Variants in ATR observed in about 807,000 individuals in gnomAD.
ATR encodes the protein ATR checkpoint kinase.
In ATR, 142 loss-of-function variants were observed where a neutral mutation model predicts 305.3. The observed-to-expected ratio is 0.47, with a 90% CI of 0.41 to 0.53. ATR has a LOEUF of 0.53. Among genes scored for constraint, ATR ranks in the 20% least tolerant of loss-of-function variants. The pLI is 0.00. For synonymous variants in ATR, 1,050 were observed against 1,068.1 expected, an observed-to-expected ratio of 0.98 and a Z score of 0.33; for missense variants, 2,135 against 3,133.1, an observed-to-expected ratio of 0.68 and a Z score of 7.60.
intron 31 of ATR, chr3:142,499,181 TG>T (rs2031813184): frequency 2.6e-6 from 1 of 381,758 alleles, no homozygotes; most frequent in Non-Finnish European, 5.0e-6. Context: ...ATGCCCAGCC[TG>T]GTTTCATTCT....
intron 27 of ATR, among the ~76,000 whole-genome samples, 155 bp downstream of exon 27, chr3:142,512,105 G>A (rs1185908144): frequency 6.6e-6 from 1 of 151,614 alleles, no homozygotes; most frequent in Non-Finnish European, 1.5e-5. Flanking sequence ...GCAACAAGAG[G>A]GAAACTCCAT....
In ATR at chr3:142,515,453, T is replaced by C. The variant is rs757878507; in HGVS notation, c.4445A>G (p.Lys1482Arg). The C allele has an allele frequency of 6.2e-7, 1 of 1,613,654 alleles. No individual in the cohort carries two copies. The highest frequency in any genetic ancestry group is 1.1e-5 in the South Asian group (1 of 91,072). The change falls in exon 25 of 47, where the codon AAA becomes AGA. Residue 1482 changes from lysine (K) to arginine (R), a missense_variant. This residue lies in a region of ATR where 202 missense variants were observed against 252.9 expected (regional missense o/e 0.80). Coordinates refer to ENST00000350721, the MANE Select transcript of ATR (RefSeq NM_001184.4). ...SGVKKPIYLS[K>R]LGSNFAEWSA... ...CCATTCTGCAAAGTTACTACCCAAT[T>C]TACTTAAGTAAATTGGCTTCTTTAC...
chr3:142,519,396 G>T (rs541189856), intron 24 of ATR, among the ~76,000 whole-genome samples: 1 of 151,902 alleles, frequency 6.6e-6, no homozygotes, highest in South Asian at 2.1e-4. Flanking sequence ...CTGCCTCCTG[G>T]GTTCAAGTGA....
intron 23 of ATR, 59 bp from the exon 24 acceptor site, chr3:142,519,843 C>T (rs573370591): frequency 1.3e-5 from 16 of 1,199,744 alleles, no homozygotes; most frequent in Middle Eastern, 1.9e-4. Context: ...GCTTTATATT[C>T]GTCAATGTTC....
At position 142,513,632 on chromosome 3, in the gene ATR, G is replaced by A. The variant is rs374342162; in HGVS notation, c.4510C>T (p.His1504Tyr). 24 of 1,613,492 alleles carry A rather than the reference G, an allele frequency of 1.5e-5. No individual in the cohort carries two copies. Among genetic ancestry groups the A allele is most frequent in the Non-Finnish European group, 1.9e-5 (23 of 1,179,702 alleles). Residue 1504 changes from histidine to tyrosine, a missense_variant, in exon 26 of 47, where the codon CAT becomes TAT. By Grantham distance (83) the His-to-Tyr change is moderately conservative (BLOSUM62 2). Around this residue, in one of 9 missense-constraint regions of ATR, gnomAD observed 202 missense variants for 252.9 expected, o/e 0.80. Transcript: ENST00000350721. ...WAGYLITKVR[H>Y]DLASKIFTCC... ...GTGAAAATTTTACTGGCAAGATCAT[G>A]TCGAACCTGTAAATGCAAAATGTGT...
rs1394703453 is a variant in ATR, at chr3:142,459,434, G to C, written c.7193-51C>G. On this transcript the variant is annotated intron_variant, in intron 42 of 46. Coordinates refer to ENST00000350721, the MANE Select transcript of ATR (RefSeq NM_001184.4). ...ATCACATCAGCCAAATGAAAAAAGGGGCAAAGTTTTTTTTGTTAAAATTGG... is the reference window on the plus strand; with the variant it reads ...ATCACATCAGCCAAATGAAAAAAGGCGCAAAGTTTTTTTTGTTAAAATTGG... The C allele has an allele frequency of 7.5e-6, 12 of 1,603,582 alleles. No homozygotes were observed. In the African/African-American group the frequency reaches 9.4e-5, roughly 13 times the overall value.
chr3:142,470,144 C>T lies in ATR; in HGVS notation c.6261G>A (p.Met2087Ile), dbSNP rs1480463477. 1 of 1,610,916 alleles carries T rather than the reference C, an allele frequency of 6.2e-7. No individual in the cohort carries two copies. Among genetic ancestry groups the T allele is most frequent in the Admixed American group, 1.7e-5 (1 of 59,844 alleles). The part of the protein sequence containing the change: ...QYGNQFIYQS[M>I]PRMLTLWLDY... ...CAAGCCATAGAGTTAACATTCGTGG[C>T]ATTGACTGATATATGAACTGATTTC... Residue 2087 changes from methionine to isoleucine, a missense_variant, in exon 37 of 47, where the codon ATG becomes ATA. Met to Ile is a conservative substitution (Grantham distance 10). Coordinates refer to ENST00000350721, the MANE Select transcript of ATR (RefSeq NM_001184.4).
At chr3:142,500,654 G>C (rs762112223) in intron 30 of ATR, among the ~76,000 whole-genome samples, 2 of 152,094 alleles carry the variant, frequency 1.3e-5, no homozygotes, top group Non-Finnish European at 2.9e-5. Flanking sequence ...AAGACAACAA[G>C]TGATCTAACA....
At chr3:142,503,296 A>G (rs2108351545) in intron 30 of ATR, 66 bp downstream of exon 30, 1 of 1,128,736 alleles carries the variant, frequency 8.9e-7, no homozygotes, top group South Asian at 1.3e-5. Context: ...AAATTACCCA[A>G]TTCACTAACT....
chr3:142,543,257 A>G (rs1188716021), intron 16 of ATR, among the ~76,000 whole-genome samples: 2 of 152,144 alleles, frequency 1.3e-5, no homozygotes, highest in Non-Finnish European at 2.9e-5. Flanking sequence ...GAGGCACAAG[A>G]CCATGGGCAT....
intron 21 of ATR, among the ~76,000 whole-genome samples, chr3:142,531,888 C>G: frequency 6.6e-6 from 1 of 152,052 alleles, no homozygotes; most frequent in African/African-American, 2.4e-5. Flanking sequence ...TAAAAGTGTT[C>G]CTATTTCCCC....
chr3:142,478,741 C>T (rs1366701597), intron 36 of ATR, among the ~76,000 whole-genome samples: 1 of 152,188 alleles, frequency 6.6e-6, no homozygotes, highest in East Asian at 1.9e-4. Flanking sequence ...CTTTGTGGGT[C>T]TCTTGGACTT....
chr3:142,469,485 G>C lies in ATR; in HGVS notation c.6404C>G (p.Pro2135Arg), dbSNP rs1407717818. 6.2e-7 allele frequency: 1 copy of C among 1,613,576 alleles called. No individual in the cohort carries two copies. Among genetic ancestry groups the C allele is most frequent in the East Asian group, 2.2e-5 (1 of 44,854 alleles). Residue 2135 changes from proline to arginine, a missense_variant, in exon 38 of 47, where the codon CCA (proline) becomes CGA (arginine). By Grantham distance (103) the Pro-to-Arg change is moderately radical. Around this residue, in one of 9 missense-constraint regions of ATR, gnomAD observed 462 missense variants for 887.6 expected, o/e 0.52. Transcript: ENST00000350721. Reference sequence around the variant, plus strand: ...TGAAAAAGCAGTCAAAAATTGATATGGAGCTAAATAGTTTGTATGCTCTGT... The same window carrying C: ...TGAAAAAGCAGTCAAAAATTGATATCGAGCTAAATAGTTTGTATGCTCTGT... ...VITEHTNYLA[P>R]YQFLTAFSQL...
At chr3:142,451,754 AAAAC>A in intron 46 of ATR, 3 of 1,101,744 alleles carry the variant, frequency 2.7e-6, no homozygotes, top group Non-Finnish European at 2.3e-6. Flanking sequence ...TAATTAAAAA[AAAAC>A]AAAAACTATT....
chr3:142,540,954 T>C lies in ATR; in HGVS notation c.3531A>G (p.Thr1177=), dbSNP rs778136969. 2.5e-6 allele frequency: 4 copies of C among 1,613,574 alleles called. No homozygotes were observed. Among genetic ancestry groups the C allele is most frequent in the South Asian group, 1.1e-5 (1 of 91,050 alleles). ...VSSVRVKMMT[T]LRTGLRFKDD... ...CCTTGAATCGAAGGCCAGTTCTCAGTGTGGTCATCATCTTCACCCTCACAG... is the reference window on the plus strand; with the variant it reads ...CCTTGAATCGAAGGCCAGTTCTCAGCGTGGTCATCATCTTCACCCTCACAG... Residue 1177 remains threonine, a synonymous_variant, in exon 18 of 47, where the codon ACA becomes ACG. Coordinates refer to ENST00000350721, the MANE Select transcript of ATR (RefSeq NM_001184.4).
chr3:142,458,588 GGATA>G (rs923969576), intron 44 of ATR, among the ~76,000 whole-genome samples: 125 of 151,860 alleles, frequency 8.2e-4, no homozygotes, highest in African/African-American at 2.8e-3. Context: ...TTTAATTCTT[GGATA>G]ATTCTGATAT....
rs1332585174 is a variant in ATR, at chr3:142,550,448, G to A, written c.2806-146C>T. 12 of 831,468 alleles carry A rather than the reference G, an allele frequency of 1.4e-5. No individual in the cohort carries two copies. The East Asian group carries it at 3.2e-4, about 22-fold the overall frequency. The allele number at this position is 831,468 out of a possible 1,614,324, so 51.5% of individuals were successfully genotyped here. On this transcript the variant is annotated intron_variant, in intron 13 of 46. Transcript: ENST00000350721. ...TCAATTTTTATAACAACCTTAATGA[G>A]GTAGACTATGTCATAATCTGCCTTT... is the stretch of plus-strand genomic sequence containing the variant.
intron 35 of ATR, among the ~76,000 whole-genome samples, chr3:142,491,353 C>T (rs987916275): frequency 4.6e-5 from 7 of 152,144 alleles, no homozygotes; most frequent in African/African-American, 1.7e-4. Flanking sequence ...CTACTGAGGC[C>T]TTTATGACAG....
intron 36 of ATR, among the ~76,000 whole-genome samples, chr3:142,475,813 C>T (rs994830201): frequency 3.5e-4 from 53 of 152,276 alleles, no homozygotes; most frequent in African/African-American, 1.1e-3. Flanking sequence ...GATGGTATCT[C>T]ATTGTGGTTT....
Sources: gnomAD v4.1 joint callset for allele counts (sites outside exome capture counted in the v4.1 genomes callset) on GRCh38, gnomAD v4.1.1 for gene constraint, gnomAD v4.1.1 regional missense constraint, MANE v1.5 for transcripts, NCBI Gene and HGNC (gene_info 2026-07-23, HGNC 2026-07-21) for gene names.